USP50: variants seen among roughly 807,000 people sequenced by gnomAD.
USP50 encodes ubiquitin specific peptidase 50, also known as ubiquitin carboxyl-terminal hydrolase 50.
USP50 carries 37 observed loss-of-function variants against 39.2 expected under a neutral mutation model. The ratio of observed to expected loss-of-function variants is 0.94; its 90% CI spans 0.73 to 1.24. The LOEUF is 1.24. USP50 is among the 50% of genes most tolerant of loss of function. USP50 has a pLI of 0.00. For synonymous variants in USP50, 139 were observed against 144.5 expected (o/e 0.96, Z 0.27); for missense variants, 374 against 398.2 (o/e 0.94, Z 0.52).
At chr15:50,545,928 AT>A (rs2053067396) in intron 1 of USP50, among the ~76,000 whole-genome samples, 1 of 150,950 alleles carries the variant, frequency 6.6e-6, no homozygotes, top group South Asian at 2.1e-4. Flanking sequence ...CAACTGAAAA[AT>A]TTTTTTAAGT....
intron 4 of USP50, among the ~76,000 whole-genome samples, chr15:50,539,669 C>T (rs2053013800): frequency 6.6e-6 from 1 of 152,180 alleles, no homozygotes; most frequent in Non-Finnish European, 1.5e-5. Context: ...CCGCCTTGGC[C>T]TCCCAAAGTG....
intron 3 of USP50, among the ~76,000 whole-genome samples, chr15:50,541,705 C>T (rs1229343821): frequency 6.6e-6 from 1 of 152,082 alleles, no homozygotes; most frequent in South Asian, 2.1e-4. Flanking sequence ...TGATGACAGT[C>T]TAACTCTGGT....
intron 6 of USP50, chr15:50,510,625 C>G (rs1345023852): frequency 6.6e-6 from 1 of 152,050 alleles, no homozygotes; most frequent in African/African-American, 2.4e-5. Context: ...TGTCACGATA[C>G]AAGATTTAAA....
chr15:50,537,264 C>A (rs2052987222), intron 5 of USP50, among the ~76,000 whole-genome samples: 1 of 151,564 alleles, frequency 6.6e-6, no homozygotes. Flanking sequence ...GAAGAAGAAT[C>A]CACACACAAA....
At chr15:50,540,283 C>G (rs908762919) in intron 4 of USP50, among the ~76,000 whole-genome samples, 10 of 152,246 alleles carry the variant, frequency 6.6e-5, no homozygotes, top group African/African-American at 2.2e-4. Flanking sequence ...TAAACCAAGG[C>G]ACTAGATTCC....
intron 6 of USP50, chr15:50,502,255 G>A (rs2141339481): frequency 6.6e-6 from 1 of 152,342 alleles, no homozygotes; most frequent in East Asian, 1.9e-4. Flanking sequence ...GACTACAGGT[G>A]CCTGCCACCA....
downstream of USP50, chr15:50,497,256 G>A (rs759718033): frequency 2.5e-6 from 4 of 1,570,312 alleles, no homozygotes; most frequent in East Asian, 9.1e-5. Flanking sequence ...TTGTCCTCCT[G>A]TTCAGTGAAA....
At chr15:50,525,783 TTTTGA>T (rs1181753673) in intron 6 of USP50, among the ~76,000 whole-genome samples, 7 of 129,042 alleles carry the variant, frequency 5.4e-5, no homozygotes, top group African/African-American at 2.1e-4. Context: ...ATGTATAAAA[TTTTGA>T]TTTATCAATT....
At chr15:50,499,135 A>G, downstream of USP50, 2 of 1,512,932 alleles carry the variant, frequency 1.3e-6, no homozygotes, top group Non-Finnish European at 1.8e-6. Context: ...GCTCAGCAAC[A>G]CAACTCTTGA....
Position 50,514,876 on chromosome 15 carries a change from G to A in USP50, c.937-14039C>T, listed in dbSNP as rs1327472626. On this transcript the variant is annotated intron_variant, in intron 6 of 6. Transcript: ENST00000532404. ...CTGGGCATGATGGCACTTGCCTGTC[G>A]TCCCAACCACTCAGGAGGCTGAGAT... Among the ~76,000 whole-genome samples, 6 of 150,722 alleles carry A rather than the reference G, an allele frequency of 4.0e-5. No individual in the cohort carries two copies. The South Asian group carries it at 8.5e-4, about 21-fold the overall frequency.
downstream of USP50, among the ~76,000 whole-genome samples, chr15:50,496,411 G>A (rs544913007): frequency 6.6e-6 from 1 of 151,368 alleles, no homozygotes; most frequent in Non-Finnish European, 1.5e-5. Flanking sequence ...AACCCTGGAG[G>A]CGGAGTTTAC....
intron 6 of USP50, chr15:50,505,501 G>C (rs2052646493): frequency 1.3e-5 from 2 of 152,184 alleles, no homozygotes; most frequent in Admixed American, 1.3e-4. Flanking sequence ...TCACTGAAAA[G>C]CCTACTGAAA....
chr15:50,546,374 G>T, intron 1 of USP50, 99 bp downstream of exon 1: 2 of 1,321,556 alleles, frequency 1.5e-6, no homozygotes, highest in Non-Finnish European at 2.2e-6. Flanking sequence ...TCACACCTGG[G>T]AGAACCCTCC....
chr15:50,508,736 GC>G, intron 6 of USP50: 1 of 152,236 alleles, frequency 6.6e-6, no homozygotes, highest in Non-Finnish European at 1.5e-5. Context: ...AGTGGTTCAT[GC>G]CTATAATCCC....
chr15:50,500,107 A>C (rs1279511945), downstream of USP50: 1 of 152,196 alleles, frequency 6.6e-6, no homozygotes, highest in African/African-American at 2.4e-5. Context: ...TAAGATTCTA[A>C]AAGTGCTTCA....
At chr15:50,508,832 TATA>T (rs986547588) in intron 6 of USP50, 4 of 134,124 alleles carry the variant, frequency 3.0e-5, no homozygotes, top group African/African-American at 1.1e-4. Flanking sequence ...ACCCCGTCTC[TATA>T]AAAAAAAAAA....
At chr15:50,527,101 C>A (rs1236487363) in intron 6 of USP50, among the ~76,000 whole-genome samples, 14 of 152,216 alleles carry the variant, frequency 9.2e-5, no homozygotes, top group Admixed American at 9.2e-4. Flanking sequence ...CCCTTCTAGT[C>A]TACAGATGTA....
At chr15:50,535,303 T>TC (rs1333920916) in intron 5 of USP50, among the ~76,000 whole-genome samples, 2 of 152,194 alleles carry the variant, frequency 1.3e-5, no homozygotes, top group Admixed American at 1.3e-4. Context: ...ACACCATCTG[T>TC]CCATAGATGT....
At chr15:50,528,565 C>T (rs187709870) in intron 6 of USP50, among the ~76,000 whole-genome samples, 2 of 152,188 alleles carry the variant, frequency 1.3e-5, no homozygotes, top group East Asian at 1.9e-4. Flanking sequence ...CTGCACTGTT[C>T]GGGAATCTAC....
Sources: allele counts gnomAD v4.1 joint callset (sites outside exome capture counted in the v4.1 genomes callset), GRCh38; gene constraint gnomAD v4.1.1; transcripts MANE v1.5; gene names NCBI Gene and HGNC (gene_info 2026-07-23, HGNC 2026-07-21).